The following PDE6A variants were observed in gnomAD, a reference collection of about 807,000 sequenced individuals.
PDE6A encodes the protein phosphodiesterase 6A, also known as rod cGMP-specific 3',5'-cyclic phosphodiesterase subunit alpha.
In PDE6A, 84 loss-of-function variants were observed where a neutral mutation model predicts 106.3. The observed-to-expected ratio is 0.79, with a 90% CI of 0.66 to 0.95. The LOEUF is 0.95. Ranked by LOEUF, PDE6A falls within the 40% of genes least tolerant of loss-of-function variation. The pLI, the probability that PDE6A is intolerant of heterozygous loss-of-function variation, is 0.00. For missense variants in PDE6A, 1,052 were observed against 1,084.9 expected (o/e 0.97, Z 0.43); for synonymous variants, 394 against 386.6 (o/e 1.02, Z -0.23).
intron 17 of PDE6A, among the ~76,000 whole-genome samples, chr5:149,869,488 C>T (rs1230583267): frequency 2.0e-5 from 3 of 152,028 alleles, no homozygotes; most frequent in East Asian, 1.9e-4. Flanking sequence ...GGAGGGGACA[C>T]GGACAAAGAA....
rs1365595687 is a variant in PDE6A, at chr5:149,895,257, C to A, written c.1654G>T (p.Gly552Cys). The change falls in exon 13 of 22, where the codon GGC becomes TGC. Residue 552 changes from glycine (G) to cysteine (C), a missense_variant. This residue lies in a region of PDE6A where 913 missense variants were observed against 915.2 expected (regional missense o/e 1.00). Transcript: ENST00000255266. ...LVRFMYSLSK[G>C]YRKITYHNWR... ...TTGTGGTAGGTGATCTTGCGGTAGCCCTTACTCAGGGAGTACATGAACCGC... is the reference window on the plus strand; with the variant it reads ...TTGTGGTAGGTGATCTTGCGGTAGCACTTACTCAGGGAGTACATGAACCGC... The A allele has an allele frequency of 2.5e-6, 4 of 1,613,900 alleles. No individual in the cohort carries two copies. In the African/African-American group the frequency reaches 5.3e-5, roughly 22 times the overall value.
At chr5:149,933,649 G>C (rs905826677) in intron 3 of PDE6A, among the ~76,000 whole-genome samples, 2 of 152,182 alleles carry the variant, frequency 1.3e-5, no homozygotes, top group Admixed American at 6.5e-5. Flanking sequence ...TTTTCAAATG[G>C]GGAGACTGAA....
At chr5:149,918,902 C>T (rs1206607798) in intron 5 of PDE6A, among the ~76,000 whole-genome samples, 1 of 152,126 alleles carries the variant, frequency 6.6e-6, no homozygotes, top group Non-Finnish European at 1.5e-5. Context: ...GGATTATAGG[C>T]ATGAACCACT....
chr5:149,936,250 T>C (rs919168152), intron 1 of PDE6A, among the ~76,000 whole-genome samples: 2 of 152,104 alleles, frequency 1.3e-5, no homozygotes, highest in Non-Finnish European at 2.9e-5. Flanking sequence ...CTAGTTGGAA[T>C]GGGATTAAAT....
chr5:149,931,061 G>A lies in PDE6A; in HGVS notation c.825C>T (p.Tyr275=), dbSNP rs1465591634. Residue 275 remains tyrosine, a synonymous_variant, in exon 4 of 22, where the codon TAC becomes TAT. Transcript: ENST00000255266. ...TVRAFLNCDR[Y]SVGLLDMTKQ... is the part of the protein sequence containing the mutation. Reference sequence around the variant, plus strand: ...TGGTCATGTCTAAGAGACCCACAGAGTATCTGTCACAGTTGAGGAAAGCAC... The same window carrying A: ...TGGTCATGTCTAAGAGACCCACAGAATATCTGTCACAGTTGAGGAAAGCAC... The A allele has an allele frequency of 1.2e-6, 2 of 1,613,964 alleles. No individual in the cohort carries two copies. Among genetic ancestry groups the A allele is most frequent in the Non-Finnish European group, 1.7e-6 (2 of 1,179,934 alleles).
At chr5:149,917,204 A>G (rs1251323640) in intron 5 of PDE6A, among the ~76,000 whole-genome samples, 1 of 152,144 alleles carries the variant, frequency 6.6e-6, no homozygotes, top group East Asian at 1.9e-4. Context: ...CAATCAAAAC[A>G]TACTGGAGGC....
chr5:149,868,066 C>T, intron 18 of PDE6A, 29 bp downstream of exon 18: 1 of 1,607,242 alleles, frequency 6.2e-7, no homozygotes, highest in Non-Finnish European at 8.5e-7. Flanking sequence ...CTGGGATGCC[C>T]CTCCTCTTGG....
intron 1 of PDE6A, among the ~76,000 whole-genome samples, chr5:149,939,611 C>A (rs1478748907): frequency 6.6e-6 from 1 of 152,186 alleles, no homozygotes; most frequent in Non-Finnish European, 1.5e-5. Context: ...AAGAACACTG[C>A]TGATGAGATA....
chr5:149,859,149 G>A lies in PDE6A; in HGVS notation c.*1746C>T, dbSNP rs1320330058. On this transcript the variant is annotated 3_prime_UTR_variant, in exon 22 of 22. Coordinates refer to ENST00000255266, the MANE Select transcript of PDE6A (RefSeq NM_000440.3). ...CAACATCTATCTTTTTAAACCAACAGAATGCCTGCTAATTTAAGAAACAGA... is the reference window on the plus strand; with the variant it reads ...CAACATCTATCTTTTTAAACCAACAAAATGCCTGCTAATTTAAGAAACAGA... 6.6e-6 allele frequency: 1 copy of A among 152,120 alleles called. No individual in the cohort carries two copies. The highest frequency in any genetic ancestry group is 2.4e-5 in the African/African-American group (1 of 41,424). 9.4% of individuals were successfully genotyped at this position (152,120 alleles called of 1,614,324 possible). A position where few individuals can be genotyped will look rare whatever the true frequency, so the allele number is the denominator to read the frequency against.
intron 17 of PDE6A, among the ~76,000 whole-genome samples, chr5:149,882,579 A>T (rs1444692087): frequency 6.6e-6 from 1 of 152,076 alleles, no homozygotes; most frequent in Non-Finnish European, 1.5e-5. Flanking sequence ...CTGAAAAAAG[A>T]CATTCACCAG....
rs770935897 is a variant in PDE6A, at chr5:149,898,394, T to G, written c.1376A>C (p.Lys459Thr). The change falls in exon 10 of 22, where the codon AAG becomes ACG. Residue 459 changes from lysine (K) to threonine (T), a missense_variant. Lys to Thr is a moderately conservative substitution (Grantham distance 78). Transcript: ENST00000255266. ...TTTCTGAATTTCTTCATTGTCACAC[T>G]TCACATGATATTTTACTATGTCCTG... ...IFQDIVKYHV[K>T]CDNEEIQKIL... 3 of 1,613,522 alleles carry G rather than the reference T, an allele frequency of 1.9e-6. No homozygotes were observed. The Admixed American group carries it at 5.0e-5, about 27-fold the overall frequency.
chr5:149,943,471 T>G (rs1754372965), intron 1 of PDE6A, among the ~76,000 whole-genome samples: 1 of 152,080 alleles, frequency 6.6e-6, no homozygotes, highest in Middle Eastern at 3.2e-3. Flanking sequence ...CACAGTGCAC[T>G]ACCACATCCA....
chr5:149,931,956 A>C, intron 3 of PDE6A: 2 of 1,177,616 alleles, frequency 1.7e-6, no homozygotes, highest in South Asian at 2.5e-5. Flanking sequence ...AAGTTTGCAA[A>C]TCTTTTATAT....
intron 6 of PDE6A, among the ~76,000 whole-genome samples, chr5:149,913,895 C>G (rs938763235): frequency 1.1e-4 from 16 of 152,184 alleles, no homozygotes; most frequent in Non-Finnish European, 2.2e-4. Context: ...GTCATTGAGT[C>G]TCAGCTACCT....
chr5:149,869,347 AAG>A (rs1285251766), intron 17 of PDE6A, among the ~76,000 whole-genome samples: 1 of 151,586 alleles, frequency 6.6e-6, no homozygotes, highest in African/African-American at 2.4e-5. Flanking sequence ...AAAAAAAAAA[AAG>A]GAGTGGAAGG....
At chr5:149,909,753 G>A (rs2113619895) in intron 6 of PDE6A, among the ~76,000 whole-genome samples, 1 of 152,174 alleles carries the variant, frequency 6.6e-6, no homozygotes, top group Admixed American at 6.5e-5. Flanking sequence ...ATTTTTTACA[G>A]AGGCTTTAAT....
intron 1 of PDE6A, among the ~76,000 whole-genome samples, chr5:149,940,327 G>T (rs1354506763): frequency 6.6e-6 from 1 of 152,166 alleles, no homozygotes; most frequent in African/African-American, 2.4e-5. Context: ...AGTCCAGTTG[G>T]ATGAGTCCTC....
At chr5:149,937,965 T>C (rs1359703774) in intron 1 of PDE6A, among the ~76,000 whole-genome samples, 1 of 152,242 alleles carries the variant, frequency 6.6e-6, no homozygotes, top group African/African-American at 2.4e-5. Flanking sequence ...TATTCATTGA[T>C]TCACTGATTG....
chr5:149,941,041 G>T (rs1160673724), intron 1 of PDE6A, among the ~76,000 whole-genome samples: 2 of 152,208 alleles, frequency 1.3e-5, no homozygotes, highest in Non-Finnish European at 1.5e-5. Context: ...ACAGCTCCTG[G>T]TTTGGCCAGT....
Sources: allele counts gnomAD v4.1 joint callset (sites outside exome capture counted in the v4.1 genomes callset), GRCh38; gene constraint gnomAD v4.1.1; regional missense constraint gnomAD v4.1.1; transcripts MANE v1.5; gene names NCBI Gene and HGNC (gene_info 2026-07-23, HGNC 2026-07-21).